Variants in CACNG3 observed in about 807,000 individuals in gnomAD.
CACNG3 encodes calcium voltage-gated channel auxiliary subunit gamma 3.
Under a neutral mutation model 28.5 loss-of-function variants are expected in CACNG3, and 3 were observed. The observed-to-expected ratio is 0.11, with a 90% CI of 0.05 to 0.27. The LOEUF is 0.27. Among genes scored for constraint, CACNG3 ranks in the 10% least tolerant of loss-of-function variants. CACNG3 has a pLI of 1.00. For synonymous variants in CACNG3, 174 were observed against 162.2 expected, an observed-to-expected ratio of 1.07 and a Z score of -0.55; for missense variants, 236 against 414.4, an observed-to-expected ratio of 0.57 and a Z score of 3.74.
chr16:24,263,275 GA>G (rs201668438), intron 1 of CACNG3, among the ~76,000 whole-genome samples: 3 of 149,690 alleles, frequency 2.0e-5, no homozygotes, highest in East Asian at 1.9e-4. Context: ...CCTTTTCACT[GA>G]AAAAAAAATA....
intron 1 of CACNG3, among the ~76,000 whole-genome samples, chr16:24,296,243 G>A (rs1200972918): frequency 6.6e-6 from 1 of 152,128 alleles, no homozygotes; most frequent in Non-Finnish European, 1.5e-5. Flanking sequence ...GATTTACATG[G>A]CCTGCCCACA....
At chr16:24,346,142 A>G (rs191548109) in intron 1 of CACNG3, among the ~76,000 whole-genome samples, 4 of 152,300 alleles carry the variant, frequency 2.6e-5, no homozygotes, top group African/African-American at 9.6e-5. Flanking sequence ...ATTAGTGTTT[A>G]TGTTTCATGG....
intron 1 of CACNG3, among the ~76,000 whole-genome samples, chr16:24,319,164 G>GAGAGGAAAATGCTTC (rs1212721938): frequency 6.6e-6 from 1 of 152,178 alleles, no homozygotes; most frequent in African/African-American, 2.4e-5. Context: ...CTAAATGACA[G>GAGAGGAAAATGCTTC]AGAGGAAAAT....
intron 3 of CACNG3, among the ~76,000 whole-genome samples, chr16:24,360,908 A>G (rs188734164): frequency 1.3e-5 from 2 of 152,140 alleles, no homozygotes; most frequent in Non-Finnish European, 2.9e-5. Flanking sequence ...AACCATTTTT[A>G]TGTGTCTCCT....
At chr16:24,329,121 G>A (rs988835447) in intron 1 of CACNG3, among the ~76,000 whole-genome samples, 3 of 152,222 alleles carry the variant, frequency 2.0e-5, no homozygotes, top group African/African-American at 2.4e-5. Context: ...CCACCAGGAT[G>A]TCCATGCAAG....
At chr16:24,342,021 G>A (rs767475709) in intron 1 of CACNG3, among the ~76,000 whole-genome samples, 12 of 152,128 alleles carry the variant, frequency 7.9e-5, no homozygotes, top group South Asian at 2.1e-4. Flanking sequence ...TCATCCCAGC[G>A]CTTTGGGAGG....
Position 24,362,089 on chromosome 16 carries a change from T to G in CACNG3, c.*226T>G. On this transcript the variant is annotated 3_prime_UTR_variant, in exon 4 of 4. Transcript: ENST00000005284. ...TCCCTTAATGTCATTCCTCTCTCTG[T>G]GTATCTGTGCCAGATGTTTTCCTTT... The G allele has an allele frequency of 2.1e-6, 1 of 470,504 alleles. No individual in the cohort carries two copies. The highest frequency in any genetic ancestry group is 3.7e-6 in the Non-Finnish European group (1 of 268,974). 29.1% of individuals were successfully genotyped at this position (470,504 alleles called of 1,614,324 possible).
intron 1 of CACNG3, among the ~76,000 whole-genome samples, chr16:24,315,527 TTC>T (rs1459693133): frequency 1.3e-5 from 2 of 151,610 alleles, no homozygotes; most frequent in Non-Finnish European, 2.9e-5. Flanking sequence ...CCTTCTTTCT[TTC>T]TTTCTTTTTC....
chr16:24,328,859 C>T (rs1899594959), intron 1 of CACNG3, among the ~76,000 whole-genome samples: 1 of 152,180 alleles, frequency 6.6e-6, no homozygotes, highest in Admixed American at 6.5e-5. Context: ...AATGCGTCTG[C>T]GTCCACCTCT....
At position 24,361,793 on chromosome 16, in the gene CACNG3, A is replaced by G. The variant is rs747483476; in HGVS notation, c.878A>G (p.Asn293Ser). 1 of 1,613,988 alleles carries G rather than the reference A, an allele frequency of 6.2e-7. No homozygotes were observed. Among genetic ancestry groups the G allele is most frequent in the Non-Finnish European group, 8.5e-7 (1 of 1,179,992 alleles). ...GACCACGCTTTTCTACAGTTCCACA[A>G]TTCCACACCCAAAGAGTTCAAAGAG... The part of the protein sequence containing the change: ...DRDHAFLQFH[N>S]STPKEFKESL... The change falls in exon 4 of 4, where the codon AAT becomes AGT. Residue 293 changes from asparagine (N) to serine (S), a missense_variant. Physicochemically the swap from Asn to Ser is conservative, Grantham distance 46. Around this residue, in one of 2 missense-constraint regions of CACNG3, gnomAD observed 116 missense variants for 151.0 expected, o/e 0.77. Transcript: ENST00000005284. The surrounding 1 kb of genome is among the most constrained non-coding windows in gnomAD (Gnocchi z 6.8).
chr16:24,262,224 C>T (rs1898544932), intron 1 of CACNG3, among the ~76,000 whole-genome samples: 1 of 152,144 alleles, frequency 6.6e-6, no homozygotes. Flanking sequence ...TACTCTCTTC[C>T]CTACTCCTGA....
intron 1 of CACNG3, among the ~76,000 whole-genome samples, chr16:24,300,540 C>CA (rs1372983725): frequency 1.4e-5 from 2 of 147,954 alleles, no homozygotes; most frequent in Admixed American, 6.9e-5. Flanking sequence ...AAGAGCCAAC[C>CA]AAAATACATC....
At chr16:24,332,268 C>A (rs1899641131) in intron 1 of CACNG3, among the ~76,000 whole-genome samples, 1 of 152,082 alleles carries the variant, frequency 6.6e-6, no homozygotes, top group African/African-American at 2.4e-5. Context: ...TTGAGACCAA[C>A]TGGACAACAT....
At chr16:24,312,625 G>A (rs1486974121) in intron 1 of CACNG3, among the ~76,000 whole-genome samples, 1 of 151,956 alleles carries the variant, frequency 6.6e-6, no homozygotes, top group African/African-American at 2.4e-5. Context: ...AGACCAGCCT[G>A]GTAAACATAC....
At chr16:24,348,224 G>A (rs988091181) in intron 2 of CACNG3, among the ~76,000 whole-genome samples, 4 of 150,620 alleles carry the variant, frequency 2.7e-5, no homozygotes, top group South Asian at 2.1e-4. Flanking sequence ...ATATTAAGTC[G>A]CCAACTCTAC....
intron 2 of CACNG3, among the ~76,000 whole-genome samples, chr16:24,352,069 A>G (rs1382145968): frequency 1.3e-5 from 2 of 152,084 alleles, no homozygotes; most frequent in African/African-American, 4.8e-5. Flanking sequence ...GTGTGCCGTC[A>G]GCCCCCAACT....
At chr16:24,352,243 G>A (rs1899958569) in intron 2 of CACNG3, among the ~76,000 whole-genome samples, 1 of 152,096 alleles carries the variant, frequency 6.6e-6, no homozygotes. Flanking sequence ...GGAGGTTAAA[G>A]GCTTGAACAC....
intron 1 of CACNG3, among the ~76,000 whole-genome samples, chr16:24,291,270 G>C (rs997595224): frequency 7.9e-5 from 12 of 152,162 alleles, no homozygotes; most frequent in African/African-American, 2.9e-4. Flanking sequence ...GGTCTGGCTT[G>C]ATCCAAAGGG....
chr16:24,276,120 C>A (rs1898750520), intron 1 of CACNG3, among the ~76,000 whole-genome samples: 1 of 152,164 alleles, frequency 6.6e-6, no homozygotes. Flanking sequence ...CAACAGTGGG[C>A]AACAGATCAA....
Sources: allele counts gnomAD v4.1 joint callset (sites outside exome capture counted in the v4.1 genomes callset), GRCh38; gene constraint gnomAD v4.1.1; regional missense constraint gnomAD v4.1.1; non-coding constraint Gnocchi (gnomAD v3.1); transcripts MANE v1.5; gene names NCBI Gene and HGNC (gene_info 2026-07-23, HGNC 2026-07-21).